Variants in CENPP observed in about 807,000 individuals in gnomAD.
CENPP encodes the protein centromere protein P.
In CENPP, 24 loss-of-function variants were observed where a neutral mutation model predicts 35.6. The ratio of observed to expected loss-of-function variants is 0.67; its 90% CI spans 0.49 to 0.95. The LOEUF is 0.95. Ranked by LOEUF, CENPP falls within the 40% of genes least tolerant of loss-of-function variation. CENPP has a pLI of 0.00. For missense variants in CENPP, 332 were observed against 345.3 expected (o/e 0.96, Z 0.31); for synonymous variants, 120 against 125.5 (o/e 0.96, Z 0.29).
At chr9:92,575,800 A>C (rs1057479763) in intron 5 of CENPP, among the ~76,000 whole-genome samples, 1 of 151,772 alleles carries the variant, frequency 6.6e-6, no homozygotes, top group African/African-American at 2.4e-5. Context: ...TGACAGAGTG[A>C]GACTCCATTT....
chr9:92,613,240 AACC>A lies in CENPP; in HGVS notation c.*94_*96del. 1.3e-6 allele frequency: 2 copies of A among 1,503,396 alleles called. No individual in the cohort carries two copies. Among genetic ancestry groups the A allele is most frequent in the Non-Finnish European group, 1.8e-6 (2 of 1,085,154 alleles). The allele number at this position is 1,503,396 out of a possible 1,614,324, so 93.1% of individuals were successfully genotyped here. On this transcript the variant is annotated 3_prime_UTR_variant, in exon 8 of 8. Transcript: ENST00000375587. ...AAACATTTGCTATTTTCTGCTTAGAAACCACACCCTGAAGACGTGCTGTCTATG... is the reference window on the plus strand; with the variant it reads ...AAACATTTGCTATTTTCTGCTTAGAAACACCCTGAAGACGTGCTGTCTATG...
chr9:92,546,410 G>C (rs143410509), intron 5 of CENPP, among the ~76,000 whole-genome samples: 2 of 152,114 alleles, frequency 1.3e-5, no homozygotes, highest in Non-Finnish European at 2.9e-5. Context: ...TTGGGTCCAC[G>C]CTGACTTTAT....
chr9:92,544,884 T>A (rs77631825), intron 5 of CENPP, among the ~76,000 whole-genome samples: 1 of 151,432 alleles, frequency 6.6e-6, no homozygotes, highest in Non-Finnish European at 1.5e-5. Flanking sequence ...CCCAGCTAAA[T>A]TTTTTTTTGT....
At chr9:92,533,318 A>T (rs1312221596) in intron 5 of CENPP, among the ~76,000 whole-genome samples, 97 of 94,726 alleles carry the variant, frequency 1.0e-3, no homozygotes, top group African/African-American at 3.9e-3. Flanking sequence ...AAAAAAAAAA[A>T]AAAAAAAAAA....
In CENPP at chr9:92,346,672, G is replaced by C. The variant is rs144377190; in HGVS notation, c.467+885G>C. On this transcript the variant is annotated intron_variant, in intron 4 of 7. Transcript: ENST00000375587. Reference sequence around the variant, plus strand: ...ATACTATGGGGAAATGGAATGAAGGGGTGCAATCATTGATACAAGTGAGTC... The same window carrying C: ...ATACTATGGGGAAATGGAATGAAGGCGTGCAATCATTGATACAAGTGAGTC... 1.2e-4 allele frequency among the ~76,000 whole-genome samples: 19 copies of C among 152,238 alleles called. No individual in the cohort carries two copies. The South Asian group carries it at 3.7e-3, about 30-fold the overall frequency.
intron 5 of CENPP, among the ~76,000 whole-genome samples, chr9:92,569,085 G>C (rs577855464): frequency 6.6e-6 from 1 of 152,164 alleles, no homozygotes; most frequent in African/African-American, 2.4e-5. Flanking sequence ...CTTTAGTTTA[G>C]TAGATCCCAT....
intron 5 of CENPP, among the ~76,000 whole-genome samples, chr9:92,529,119 C>T (rs1012871326): frequency 4.6e-5 from 7 of 152,186 alleles, no homozygotes; most frequent in Middle Eastern, 6.8e-3. Flanking sequence ...TTAGACATTA[C>T]CAAAAATAAT....
chr9:92,372,179 C>T (rs1198333346), intron 4 of CENPP, among the ~76,000 whole-genome samples: 1 of 134,246 alleles, frequency 7.4e-6, no homozygotes, highest in Non-Finnish European at 1.5e-5. Context: ...AGTATAGCCA[C>T]CACTTGCTTT....
intron 5 of CENPP, among the ~76,000 whole-genome samples, chr9:92,394,648 A>G (rs1425456645): frequency 6.6e-6 from 1 of 151,902 alleles, no homozygotes; most frequent in Non-Finnish European, 1.5e-5. Flanking sequence ...TTCGTCACCC[A>G]GGTTGGAGTG....
chr9:92,456,531 A>G (rs1041537611), intron 5 of CENPP: 1 of 152,646 alleles, frequency 6.6e-6, no homozygotes, highest in African/African-American at 2.4e-5. Context: ...TCATGCTATT[A>G]AAAGCTTATA....
chr9:92,339,323 T>C (rs1841033055), intron 3 of CENPP, among the ~76,000 whole-genome samples: 2 of 152,050 alleles, frequency 1.3e-5, no homozygotes, highest in Admixed American at 1.3e-4. Context: ...GGTTATGGAG[T>C]CAGGACTTTT....
At chr9:92,555,929 G>T (rs1002471422) in intron 5 of CENPP, among the ~76,000 whole-genome samples, 31 of 151,836 alleles carry the variant, frequency 2.0e-4, no homozygotes, top group African/African-American at 6.8e-4. Context: ...CCTTTCTTCT[G>T]CTGGGTCTGT....
At chr9:92,444,622 C>G (rs1844504813) in intron 5 of CENPP, among the ~76,000 whole-genome samples, 1 of 152,088 alleles carries the variant, frequency 6.6e-6, no homozygotes, top group South Asian at 2.1e-4. Flanking sequence ...AGCTCTTATG[C>G]TTATTATCTC....
intron 5 of CENPP, among the ~76,000 whole-genome samples, chr9:92,591,211 A>T (rs1045927828): frequency 3.3e-5 from 5 of 152,086 alleles, no homozygotes; most frequent in Admixed American, 3.3e-4. Flanking sequence ...CGAGGTCAGG[A>T]GATCAAGACC....
chr9:92,400,342 G>T (rs1004572657), intron 5 of CENPP, among the ~76,000 whole-genome samples: 1 of 151,852 alleles, frequency 6.6e-6, no homozygotes, highest in Admixed American at 6.6e-5. Context: ...GTAGAGACAG[G>T]GTTTCACCAT....
chr9:92,540,492 G>C (rs953667212), intron 5 of CENPP, among the ~76,000 whole-genome samples: 15 of 151,722 alleles, frequency 9.9e-5, no homozygotes, highest in Admixed American at 2.0e-4. Context: ...ATCAATGAAG[G>C]CTGGGGGCAG....
rs530769976 is a variant in CENPP, at chr9:92,619,839, G to A, written c.*6690G>A. On this transcript the variant is annotated 3_prime_UTR_variant, in exon 8 of 8. Coordinates refer to ENST00000375587, the MANE Select transcript of CENPP (RefSeq NM_001012267.3). ...GTGGGACCCCGACTCCAGACCCTGA[G>A]ACGGATGATCTGTCTTCAGCAAGGT... 2.0e-6 allele frequency: 1 copy of A among 492,038 alleles called. No individual in the cohort carries two copies. The highest frequency in any genetic ancestry group is 3.2e-5 in the Admixed American group (1 of 31,232). The allele number at this position is 492,038 out of a possible 1,614,324, so 30.5% of individuals were successfully genotyped here.
In CENPP at chr9:92,466,571, C is replaced by T. The variant is rs138209327; in HGVS notation, c.564+86712C>T. The T allele has an allele frequency of 2.5e-6, 4 of 1,612,242 alleles. No homozygotes were observed. In the African/African-American group the frequency reaches 5.4e-5, roughly 22 times the overall value. ...AGCTTGTTGTTGTTCAGGATCAGAC[C>T]CTTGATCAAGCATAGAAAGTTACAC... On this transcript the variant is annotated intron_variant, in intron 5 of 7. Transcript: ENST00000375587.
chr9:92,356,548 C>T (rs1001681782), intron 4 of CENPP, among the ~76,000 whole-genome samples: 2 of 152,172 alleles, frequency 1.3e-5, no homozygotes, highest in African/African-American at 4.8e-5. Flanking sequence ...GTCGTACATC[C>T]TCAGCTTATG....
Sources: gnomAD v4.1 joint callset for allele counts (sites outside exome capture counted in the v4.1 genomes callset) on GRCh38, gnomAD v4.1.1 for gene constraint, MANE v1.5 for transcripts, NCBI Gene and HGNC (gene_info 2026-07-23, HGNC 2026-07-21) for gene names.